The following MARCHF8 variants were observed in gnomAD, a reference collection of about 807,000 sequenced individuals.
MARCHF8 encodes the protein E3 ubiquitin-protein ligase MARCHF8.
MARCHF8 carries 40 observed loss-of-function variants against 51.6 expected under a neutral mutation model. The ratio of observed to expected loss-of-function variants is 0.77; its 90% CI spans 0.60 to 1.01. MARCHF8 has a LOEUF of 1.01. Ranked by LOEUF, MARCHF8 falls within the 50% of genes least tolerant of loss-of-function variation. The pLI, the probability that MARCHF8 is intolerant of heterozygous loss-of-function variation, is 0.00. For missense variants in MARCHF8, 685 were observed against 708.6 expected, an observed-to-expected ratio of 0.97 and a Z score of 0.38; for synonymous variants, 263 against 280.3, an observed-to-expected ratio of 0.94 and a Z score of 0.62.
intron 1 of MARCHF8, among the ~76,000 whole-genome samples, chr10:45,558,264 AG>A (rs1344981063): frequency 6.6e-6 from 1 of 152,186 alleles, no homozygotes; most frequent in Non-Finnish European, 1.5e-5. Context: ...AGAAATCTCC[AG>A]GGGGCAGGGA....
At chr10:45,561,760 G>T (rs560365691) in intron 1 of MARCHF8, among the ~76,000 whole-genome samples, 2 of 150,690 alleles carry the variant, frequency 1.3e-5, no homozygotes, top group South Asian at 4.2e-4. Context: ...AATTAGCAGG[G>T]CGTGGTGGCA....
rs555399759 is a variant in MARCHF8, at chr10:45,577,238, C to T, written c.-79+16997G>A. On this transcript the variant is annotated intron_variant, in intron 1 of 6. Coordinates refer to the MARCHF8 transcript ENST00000319836. The stretch of plus-strand genomic sequence containing the variant: ...TGGAGGCTGGGAAGTTAATGGGGGG[C>T]TGTGGGGAAGGTGGGGATGGTTAAT... Among the ~76,000 whole-genome samples, 7 of 150,652 alleles carry T rather than the reference C, an allele frequency of 4.6e-5. No homozygotes were observed. The South Asian group carries it at 1.5e-3, about 32-fold the overall frequency.
intron 1 of MARCHF8, among the ~76,000 whole-genome samples, chr10:45,572,607 G>A (rs1289934732): frequency 6.6e-6 from 1 of 151,980 alleles, no homozygotes; most frequent in Non-Finnish European, 1.5e-5. Flanking sequence ...GGTGCCTGAC[G>A]TCCAGGCATT....
chr10:45,541,583 T>A (rs981607308), intron 1 of MARCHF8, among the ~76,000 whole-genome samples: 2 of 151,932 alleles, frequency 1.3e-5, no homozygotes, highest in East Asian at 1.9e-4. Flanking sequence ...AATAAAATTT[T>A]AAAAAAATGC....
chr10:45,494,823 G>A (rs1431775137), intron 2 of MARCHF8, among the ~76,000 whole-genome samples: 2 of 152,068 alleles, frequency 1.3e-5, no homozygotes, highest in Non-Finnish European at 2.9e-5. Context: ...CCTTTATCCT[G>A]TAAAAAATGA....
chr10:45,569,392 T>C (rs549819161), intron 1 of MARCHF8, among the ~76,000 whole-genome samples: 26 of 152,350 alleles, frequency 1.7e-4, no homozygotes, highest in African/African-American at 4.8e-4. Flanking sequence ...GTTGATATCA[T>C]GTACCATACA....
rs1402312041 is a variant in MARCHF8, at chr10:45,531,350, AT to A, written c.102+1759del. On this transcript the variant is annotated intron_variant, in intron 2 of 7. Coordinates refer to ENST00000453424, the MANE Select transcript of MARCHF8 (RefSeq NM_001282866.2). Reference sequence around the variant, plus strand: ...TGTCAGCCAACTCACATTATAAGAAATGCTAAAGTCCTTTAGACAAAAGAAA... The same window carrying A: ...TGTCAGCCAACTCACATTATAAGAAAGCTAAAGTCCTTTAGACAAAAGAAA... Among the ~76,000 whole-genome samples the A allele has an allele frequency of 9.8e-5, 15 of 152,322 alleles. No homozygotes were observed. In the South Asian group the frequency reaches 2.5e-3, roughly 25 times the overall value.
chr10:45,531,773 G>C (rs1407965176), intron 2 of MARCHF8, among the ~76,000 whole-genome samples: 2 of 152,176 alleles, frequency 1.3e-5, no homozygotes, highest in Non-Finnish European at 2.9e-5. Context: ...TAGGTAAAAT[G>C]CAAGGGTTCA....
Position 45,459,155 on chromosome 10 carries a change from C to CT in MARCHF8, c.1381_1382insA (p.Arg461GlnfsTer4). The CT allele has an allele frequency of 6.2e-7, 1 of 1,614,014 alleles. No homozygotes were observed. The highest frequency in any genetic ancestry group is 8.5e-7 in the Non-Finnish European group (1 of 1,179,992). ...CCCCTGCTTGATCTCCTCAGCAGTA[C>CT]GGTCAATGAGCACATACAAGGACCA... On this transcript the variant is annotated frameshift_variant, in exon 7 of 8. Coordinates refer to ENST00000453424, the MANE Select transcript of MARCHF8 (RefSeq NM_001282866.2). LOFTEE classifies it high-confidence loss of function.
chr10:45,557,864 G>A (rs555933617), intron 1 of MARCHF8, among the ~76,000 whole-genome samples: 1 of 152,290 alleles, frequency 6.6e-6, no homozygotes, highest in African/African-American at 2.4e-5. Flanking sequence ...GGTGCCTTAG[G>A]TCAGGTACCT....
chr10:45,484,472 C>T (rs143252566), intron 3 of MARCHF8, among the ~76,000 whole-genome samples: 1 of 152,182 alleles, frequency 6.6e-6, no homozygotes, highest in African/African-American at 2.4e-5. Context: ...ACCTGTGGGA[C>T]TCAAACTGCC....
rs201779561 is a variant in MARCHF8, at chr10:45,464,058, C to T, written c.243-62G>A. On this transcript the variant is annotated intron_variant, in intron 4 of 7. Coordinates refer to ENST00000453424, the MANE Select transcript of MARCHF8 (RefSeq NM_001282866.2). ...AAAAACAATTTTAAAAGAGAATAGA[C>T]ATCATAGTGAAGAAATGAGACTAGC... The T allele has an allele frequency of 4.6e-4, 695 of 1,501,288 alleles. 4 individuals carry two copies. The African/African-American group carries it at 8.5e-3, about 18-fold the overall frequency. The allele number at this position is 1,501,288 out of a possible 1,614,324, so 93.0% of individuals were successfully genotyped here.
intron 2 of MARCHF8, among the ~76,000 whole-genome samples, chr10:45,529,048 C>T (rs1235899700): frequency 6.6e-6 from 1 of 152,174 alleles, no homozygotes; most frequent in Non-Finnish European, 1.5e-5. Context: ...CTTGAGGCAT[C>T]AAATTACTTG....
At chr10:45,522,794 T>C (rs1320321030) in intron 2 of MARCHF8, among the ~76,000 whole-genome samples, 1 of 152,140 alleles carries the variant, frequency 6.6e-6, no homozygotes, top group African/African-American at 2.4e-5. Flanking sequence ...AATTCGGCAT[T>C]AGGATGACTG....
upstream of MARCHF8, among the ~76,000 whole-genome samples, chr10:45,537,389 G>A (rs1000768067): frequency 4.6e-5 from 7 of 152,088 alleles, no homozygotes; most frequent in Non-Finnish European, 8.8e-5. Context: ...GTGGTGGTTC[G>A]CGCCTATAAC....
intron 1 of MARCHF8, among the ~76,000 whole-genome samples, chr10:45,579,494 C>T (rs1369608041): frequency 6.6e-6 from 1 of 151,338 alleles, no homozygotes; most frequent in Non-Finnish European, 1.5e-5. Context: ...AGGACATGTA[C>T]AGCCAACTGC....
intron 5 of MARCHF8, 97 bp downstream of exon 5, chr10:45,463,054 C>A: frequency 7.0e-7 from 1 of 1,423,520 alleles, no homozygotes; most frequent in Non-Finnish European, 9.3e-7. Context: ...TTACAACTTC[C>A]TATTACTTCA....
At chr10:45,491,626 C>T (rs2043081981) in intron 2 of MARCHF8, among the ~76,000 whole-genome samples, 1 of 152,204 alleles carries the variant, frequency 6.6e-6, no homozygotes, top group Non-Finnish European at 1.5e-5. Flanking sequence ...GGAATGAAAG[C>T]CCTCTGTCCA....
chr10:45,501,577 AG>A (rs2043280145), intron 2 of MARCHF8, among the ~76,000 whole-genome samples: 1 of 152,162 alleles, frequency 6.6e-6, no homozygotes, highest in African/African-American at 2.4e-5. Context: ...TCAGGATTTA[AG>A]GTTGGGCAAA....
Sources: allele counts gnomAD v4.1 joint callset (sites outside exome capture counted in the v4.1 genomes callset), GRCh38; gene constraint gnomAD v4.1.1; transcripts MANE v1.5; gene names NCBI Gene and HGNC (gene_info 2026-07-23, HGNC 2026-07-21).